Variants in PRKCH observed in about 807,000 individuals in gnomAD.
PRKCH encodes protein kinase C eta, also known as protein kinase C eta type.
In PRKCH, 28 loss-of-function variants were observed where a neutral mutation model predicts 82.5. The ratio of observed to expected loss-of-function variants is 0.34; its 90% CI spans 0.25 to 0.47. The LOEUF is 0.47. Ranked by LOEUF, PRKCH falls within the 20% of genes least tolerant of loss-of-function variation. The probability of loss-of-function intolerance (pLI) is 1.00; values close to 1 mark genes in which losing one functional copy is unlikely to be tolerated. For synonymous variants in PRKCH, 322 were observed against 327.4 expected (o/e 0.98, Z 0.18); for missense variants, 705 against 881.8 (o/e 0.80, Z 2.54).
Position 61,547,728 on chromosome 14 carries a change from C to G in PRKCH, c.1762-15C>G, listed in dbSNP as rs201314961. 6.2e-7 allele frequency: 1 copy of G among 1,607,392 alleles called. No individual in the cohort carries two copies. Among genetic ancestry groups the G allele is most frequent in the South Asian group, 1.1e-5 (1 of 90,560 alleles). ...TGTGAATGAATGATTGACACTTTCT[C>G]TCTCTCTCACTCAGTTCATGACCAA... On this transcript the variant is annotated splice_polypyrimidine_tract_variant and intron_variant, in intron 12 of 13. Coordinates refer to ENST00000332981, the MANE Select transcript of PRKCH (RefSeq NM_006255.5).
At position 61,229,089 on chromosome 14, in the gene PRKCH, A is replaced by G. The variant is rs138821235; in HGVS notation, c.-19+41421A>G. 3.7e-3 allele frequency among the ~76,000 whole-genome samples: 559 copies of G among 152,242 alleles called. 6 individuals are homozygous for G. Among genetic ancestry groups the G allele is most frequent in the African/African-American group, 0.013 (520 of 41,538 alleles). The stretch of plus-strand genomic sequence containing the variant: ...TTATACTATGGGGACAGTAGCATAA[A>G]TATTTAGATAAGAGAACATTCTCAT... On this transcript the variant is annotated intron_variant, in intron 1 of 3. Transcript: ENST00000555185.
Position 61,250,295 on chromosome 14 carries a change from G to A in PRKCH, c.-19+62627G>A, listed in dbSNP as rs561990974. ...TAAATAAATAAATCTGGACACGGAT[G>A]TTGATAGCAGCTTTATTCATAATTG... On this transcript the variant is annotated intron_variant, in intron 1 of 3. Coordinates refer to the PRKCH transcript ENST00000555185. Among the ~76,000 whole-genome samples, 360 of 148,148 alleles carry A rather than the reference G, an allele frequency of 2.4e-3. 1 individual carries two copies. Among genetic ancestry groups the A allele is most frequent in the Non-Finnish European group, 3.8e-3 (256 of 67,152 alleles).
chr14:61,499,496 G>A (rs890704895), intron 10 of PRKCH, among the ~76,000 whole-genome samples: 1 of 152,074 alleles, frequency 6.6e-6, no homozygotes. Context: ...TTGACTGCCT[G>A]GCCCCTCACA....
chr14:61,266,873 T>G (rs1022393723), intron 1 of PRKCH, among the ~76,000 whole-genome samples: 4 of 151,838 alleles, frequency 2.6e-5, no homozygotes, highest in Admixed American at 2.6e-4. Flanking sequence ...GATGAGGTGA[T>G]GGGGATGGGT....
intron 1 of PRKCH, chr14:61,307,154 T>G (rs2045490650): frequency 6.6e-6 from 1 of 152,174 alleles, no homozygotes; most frequent in Admixed American, 6.5e-5. Flanking sequence ...ATCCCAGCAC[T>G]TTGGGAAGCT....
intron 13 of PRKCH, 86 bp downstream of exon 13, chr14:61,547,972 C>CCTT: frequency 1.3e-6 from 2 of 1,534,290 alleles, no homozygotes; most frequent in Non-Finnish European, 1.8e-6. Context: ...CTGGATGGCC[C>CCTT]CTGTGGGTGA....
At chr14:61,484,020 G>A (rs1195428422) in intron 9 of PRKCH, among the ~76,000 whole-genome samples, 1 of 152,174 alleles carries the variant, frequency 6.6e-6, no homozygotes, top group Non-Finnish European at 1.5e-5. Context: ...CAGCTTGGGT[G>A]ACAGAATGAG....
intron 2 of PRKCH, among the ~76,000 whole-genome samples, chr14:61,430,759 CTT>C (rs76049144): frequency 3.5e-5 from 5 of 144,730 alleles, no homozygotes; most frequent in Admixed American, 6.8e-5. Flanking sequence ...CAGCAGCTTC[CTT>C]TTTTTTTTTT....
chr14:61,221,033 G>A (rs1381028094), intron 1 of PRKCH, among the ~76,000 whole-genome samples: 1 of 152,160 alleles, frequency 6.6e-6, no homozygotes, highest in African/African-American at 2.4e-5. Context: ...ATTACATGCT[G>A]TGGTGGCAGG....
At chr14:61,215,852 A>G (rs148171364) in intron 1 of PRKCH, among the ~76,000 whole-genome samples, 31 of 152,318 alleles carry the variant, frequency 2.0e-4, no homozygotes, top group Middle Eastern at 3.4e-3. Context: ...AATGGGTCCC[A>G]TTCTTCAAGC....
chr14:61,280,686 C>T lies in PRKCH; in HGVS notation c.-19+93018C>T, dbSNP rs1182784622. 1 of 1,576,624 alleles carries T rather than the reference C, an allele frequency of 6.3e-7. No homozygotes were observed. Among genetic ancestry groups the T allele is most frequent in the African/African-American group, 1.3e-5 (1 of 74,264 alleles). Reference sequence around the variant, plus strand: ...CGCAGGGCGCGATGGGCAGGCCGGCCGCGCTGCGCTGGTAGGGGGCGCACT... The same window carrying T: ...CGCAGGGCGCGATGGGCAGGCCGGCTGCGCTGCGCTGGTAGGGGGCGCACT... On this transcript the variant is annotated intron_variant, in intron 1 of 3. Coordinates refer to the PRKCH transcript ENST00000555185. This position sits in a 1 kb window ranked among gnomAD's most constrained non-coding sequence, Gnocchi z 5.0.
At chr14:61,221,582 T>C (rs574178159) in intron 1 of PRKCH, among the ~76,000 whole-genome samples, 3 of 152,266 alleles carry the variant, frequency 2.0e-5, no homozygotes, top group African/African-American at 7.2e-5. Context: ...CGAGAACCGC[T>C]GCTGCCTATA....
At chr14:61,439,199 A>C (rs989744644) in intron 2 of PRKCH, among the ~76,000 whole-genome samples, 1 of 152,138 alleles carries the variant, frequency 6.6e-6, no homozygotes, top group Non-Finnish European at 1.5e-5. Context: ...TAGTCCTTTT[A>C]ACTCAGTCCT....
intron 2 of PRKCH, among the ~76,000 whole-genome samples, chr14:61,417,221 C>T (rs1293677366): frequency 1.3e-5 from 2 of 152,172 alleles, no homozygotes; most frequent in African/African-American, 2.4e-5. Context: ...TAAGGATAGA[C>T]GTCTTTGAAA....
intron 1 of PRKCH, chr14:61,279,970 T>G: frequency 2.4e-6 from 2 of 838,756 alleles, no homozygotes; most frequent in Non-Finnish European, 3.7e-6. Context: ...TCTGGTCCCC[T>G]CATTCACAAA....
At chr14:61,336,002 C>G (rs12884983) in intron 1 of PRKCH, among the ~76,000 whole-genome samples, 87,270 of 152,070 alleles carry the variant, frequency 0.57, 28,667 homozygotes, top group Non-Finnish European at 0.72. Context: ...AGCCTGTTCT[C>G]TCATCCACAA....
intron 9 of PRKCH, among the ~76,000 whole-genome samples, chr14:61,485,257 T>C (rs1594754200): frequency 6.6e-6 from 1 of 152,162 alleles, no homozygotes; most frequent in African/African-American, 2.4e-5. Context: ...TCTGTACTTT[T>C]GATTTCATGT....
Position 61,529,168 on chromosome 14 carries a change from C to A in PRKCH, c.1527C>A (p.Val509=), listed in dbSNP as rs1239989070. The change falls in exon 11 of 14, where the codon GTC becomes GTA. Residue 509 remains valine, a synonymous_variant. Coordinates refer to ENST00000332981, the MANE Select transcript of PRKCH (RefSeq NM_006255.5). ...GCAAGGAGGGGATTTGCAATGGTGTCACCACGGCCACATTCTGTGGCACGC... is the reference window on the plus strand; with the variant it reads ...GCAAGGAGGGGATTTGCAATGGTGTAACCACGGCCACATTCTGTGGCACGC... ...GMCKEGICNG[V]TTATFCGTPD... 2 of 1,613,820 alleles carry A rather than the reference C, an allele frequency of 1.2e-6. No homozygotes were observed. Among genetic ancestry groups the A allele is most frequent in the Non-Finnish European group, 1.7e-6 (2 of 1,179,936 alleles).
intron 9 of PRKCH, among the ~76,000 whole-genome samples, chr14:61,478,293 C>T (rs1427888496): frequency 1.3e-5 from 2 of 152,178 alleles, no homozygotes; most frequent in African/African-American, 4.8e-5. Context: ...AAATACAGCA[C>T]AGCAGGAGTT....
Sources: gnomAD v4.1 joint callset for allele counts (sites outside exome capture counted in the v4.1 genomes callset) on GRCh38, gnomAD v4.1.1 for gene constraint, Gnocchi (gnomAD v3.1) non-coding constraint, MANE v1.5 for transcripts, NCBI Gene and HGNC (gene_info 2026-07-23, HGNC 2026-07-21) for gene names.